The following KAZN variants were observed in gnomAD, a reference collection of about 807,000 sequenced individuals.
The protein encoded by KAZN is kazrin.
Under a neutral mutation model 87.4 loss-of-function variants are expected in KAZN, and 40 were observed. The observed-to-expected ratio is 0.46, with a 90% CI of 0.36 to 0.60. The LOEUF (loss-of-function observed/expected upper bound fraction) is 0.60, where lower values mean the gene tolerates loss of function less well. Ranked by LOEUF, KAZN falls within the 20% of genes least tolerant of loss-of-function variation. KAZN has a pLI of 0.00. For synonymous variants in KAZN, 466 were observed against 458.3 expected, an observed-to-expected ratio of 1.02 and a Z score of -0.22; for missense variants, 898 against 1,073.9, an observed-to-expected ratio of 0.84 and a Z score of 2.29.
chr1:14,171,299 A>G (rs1214017635), intron 1 of KAZN, among the ~76,000 whole-genome samples: 1 of 152,174 alleles, frequency 6.6e-6, no homozygotes, highest in Non-Finnish European at 1.5e-5. Context: ...TCTTTTGCTT[A>G]TATACCTAAG....
At chr1:15,048,175 G>T (rs1442658569) in intron 4 of KAZN, among the ~76,000 whole-genome samples, 1 of 152,192 alleles carries the variant, frequency 6.6e-6, no homozygotes, top group East Asian at 1.9e-4. Flanking sequence ...ACTCTGGGCC[G>T]CCCCACACAC....
chr1:13,924,412 CG>C (rs1462136514), intron 1 of KAZN, among the ~76,000 whole-genome samples: 4 of 151,908 alleles, frequency 2.6e-5, no homozygotes, highest in African/African-American at 9.7e-5. Context: ...TAATTCTAGG[CG>C]GTATAGTTCT....
chr1:13,969,693 C>G (rs35811053), intron 1 of KAZN, among the ~76,000 whole-genome samples: 98 of 152,084 alleles, frequency 6.4e-4, no homozygotes, highest in Non-Finnish European at 1.3e-3. Flanking sequence ...CTCAGTCCTT[C>G]ACATCATTCA....
chr1:14,859,461 C>A (rs1314957282), intron 1 of KAZN, among the ~76,000 whole-genome samples: 2 of 152,194 alleles, frequency 1.3e-5, no homozygotes, highest in African/African-American at 4.8e-5. Flanking sequence ...TAACCACTAT[C>A]TACATGATTG....
chr1:14,921,291 G>A (rs981637312), intron 1 of KAZN, among the ~76,000 whole-genome samples: 1 of 152,132 alleles, frequency 6.6e-6, no homozygotes, highest in African/African-American at 2.4e-5. Flanking sequence ...AAAGTAACTA[G>A]GACGTATGTG....
At chr1:14,459,866 C>T (rs763863797) in intron 2 of KAZN, among the ~76,000 whole-genome samples, 9 of 152,142 alleles carry the variant, frequency 5.9e-5, no homozygotes, top group Non-Finnish European at 1.0e-4. Context: ...TGCTGTCACC[C>T]ATGTTTTAAT....
At chr1:14,005,856 T>C (rs1262292364) in intron 1 of KAZN, among the ~76,000 whole-genome samples, 1 of 152,194 alleles carries the variant, frequency 6.6e-6, no homozygotes, top group East Asian at 1.9e-4. Context: ...ATGGACTCAC[T>C]GGCCTGTAGT....
At position 15,096,924 on chromosome 1, in the gene KAZN, G is replaced by A. The variant is rs1640831142; in HGVS notation, c.1547+1991G>A. 1.3e-5 allele frequency among the ~76,000 whole-genome samples: 2 copies of A among 152,208 alleles called. No individual in the cohort carries two copies. Among genetic ancestry groups the A allele is most frequent in the Admixed American group, 1.3e-4 (2 of 15,288 alleles). ...AGAGGGAAACATTTAATCCCTAACA[G>A]TGGCACCACGTTAACCTCCAGGAAC... On this transcript the variant is annotated intron_variant, in intron 10 of 14. Coordinates refer to ENST00000376030, the MANE Select transcript of KAZN (RefSeq NM_201628.3). The surrounding 1 kb of genome is among the most constrained non-coding windows in gnomAD (Gnocchi z 4.5).
intron 1 of KAZN, among the ~76,000 whole-genome samples, chr1:14,716,891 G>A (rs1642824370): frequency 6.6e-6 from 1 of 151,984 alleles, no homozygotes; most frequent in South Asian, 2.1e-4. Flanking sequence ...AGAAGAGGGT[G>A]CCACTGCCGG....
At chr1:13,983,718 T>A (rs982440915) in intron 1 of KAZN, among the ~76,000 whole-genome samples, 1 of 152,266 alleles carries the variant, frequency 6.6e-6, no homozygotes. Context: ...CAGCACGCTG[T>A]CACCTCCCAA....
intron 1 of KAZN, among the ~76,000 whole-genome samples, chr1:14,754,204 C>T (rs796244414): frequency 1.4e-4 from 22 of 152,274 alleles, no homozygotes; most frequent in African/African-American, 5.3e-4. Context: ...CCTGGGCTTT[C>T]TGCCCAGGGT....
chr1:14,042,844 C>T (rs1557427530), intron 1 of KAZN, among the ~76,000 whole-genome samples: 1 of 152,150 alleles, frequency 6.6e-6, no homozygotes, highest in Non-Finnish European at 1.5e-5. Context: ...TGAATGAAAT[C>T]AGTGTTTCTG....
At chr1:14,136,377 A>G (rs1042611821) in intron 1 of KAZN, among the ~76,000 whole-genome samples, 14 of 152,166 alleles carry the variant, frequency 9.2e-5, no homozygotes, top group South Asian at 4.1e-4. Context: ...ACAGAGTGTC[A>G]GGGAACTAAC....
At chr1:14,898,639 CAG>C (rs751814314) in intron 1 of KAZN, among the ~76,000 whole-genome samples, 2 of 152,158 alleles carry the variant, frequency 1.3e-5, no homozygotes, top group African/African-American at 2.4e-5. Flanking sequence ...CACACATACA[CAG>C]GGACACACAC....
chr1:14,366,242 A>T (rs547327103), intron 2 of KAZN, among the ~76,000 whole-genome samples: 1 of 152,228 alleles, frequency 6.6e-6, no homozygotes, highest in Non-Finnish European at 1.5e-5. Context: ...ATTTTTGTCT[A>T]TGGCTCTTAT....
intron 1 of KAZN, among the ~76,000 whole-genome samples, chr1:14,896,057 TTTTTTTTTTTTTTTTG>T (rs1226102703): frequency 3.6e-4 from 2 of 5,618 alleles, no homozygotes; most frequent in African/African-American, 8.8e-4. Context: ...TTTTTTTTTT[TTTTTTTTTTTTTTTTG>T]GACACAGATT....
chr1:13,917,525 G>A (rs867353193), intron 1 of KAZN, among the ~76,000 whole-genome samples: 1 of 152,148 alleles, frequency 6.6e-6, no homozygotes, highest in Non-Finnish European at 1.5e-5. Context: ...GCTGGGTGTG[G>A]TGTCTCACAC....
At chr1:13,953,192 A>G (rs1641419926) in intron 1 of KAZN, among the ~76,000 whole-genome samples, 1 of 152,042 alleles carries the variant, frequency 6.6e-6, no homozygotes, top group Admixed American at 6.6e-5. Context: ...CTCACCCCTT[A>G]CATGTTGGAG....
At chr1:14,685,905 TG>T (rs148320412) in intron 1 of KAZN, among the ~76,000 whole-genome samples, 1,549 of 152,292 alleles carry the variant, frequency 0.01, 28 homozygotes, top group African/African-American at 0.035. Context: ...CTCCGTGGGA[TG>T]GGTATTATTC....
Sources: gnomAD v4.1 joint callset for allele counts (sites outside exome capture counted in the v4.1 genomes callset) on GRCh38, gnomAD v4.1.1 for gene constraint, Gnocchi (gnomAD v3.1) non-coding constraint, MANE v1.5 for transcripts, NCBI Gene and HGNC (gene_info 2026-07-23, HGNC 2026-07-21) for gene names.